STOX2: variants seen among roughly 807,000 people sequenced by gnomAD.
The protein encoded by STOX2 is storkhead-box protein 2.
A neutral mutation model predicts 60.9 loss-of-function variants in STOX2; 28 were observed. That is an observed-to-expected ratio of 0.46 (90% CI 0.34 to 0.63). The LOEUF is 0.63. Among genes scored for constraint, STOX2 ranks in the 30% least tolerant of loss-of-function variants. STOX2 has a pLI of 0.01. For missense variants in STOX2, 1,024 were observed against 1,187.7 expected, an observed-to-expected ratio of 0.86 and a Z score of 2.03; for synonymous variants, 472 against 463.9, an observed-to-expected ratio of 1.02 and a Z score of -0.22.
At chr4:183,819,858 C>T (rs749257327) in intron 1 of STOX2, among the ~76,000 whole-genome samples, 17 of 152,128 alleles carry the variant, frequency 1.1e-4, no homozygotes, top group African/African-American at 3.9e-4. Flanking sequence ...TGCAAACTGC[C>T]GTTGCCTTTG....
chr4:184,012,158 T>C (rs1383880655), intron 3 of STOX2, among the ~76,000 whole-genome samples: 1 of 152,222 alleles, frequency 6.6e-6, no homozygotes, highest in Non-Finnish European at 1.5e-5. Flanking sequence ...AGTCAAGAGT[T>C]AGTGGTGCCC....
At chr4:183,980,598 C>T (rs1732626377) in intron 1 of STOX2, among the ~76,000 whole-genome samples, 1 of 152,112 alleles carries the variant, frequency 6.6e-6, no homozygotes, top group African/African-American at 2.4e-5. Flanking sequence ...CCTGGTCATG[C>T]TGAGTTCAGC....
At chr4:183,997,707 A>G (rs1011461193) in intron 1 of STOX2, among the ~76,000 whole-genome samples, 3 of 152,292 alleles carry the variant, frequency 2.0e-5, no homozygotes, top group South Asian at 4.2e-4. Flanking sequence ...GGGATTGGGG[A>G]TGGGAAAGGA....
chr4:183,947,024 C>T (rs950196146), intron 1 of STOX2, among the ~76,000 whole-genome samples: 6 of 151,954 alleles, frequency 3.9e-5, no homozygotes, highest in Admixed American at 2.0e-4. Flanking sequence ...TCTATGCAAA[C>T]ACCACACCAC....
chr4:183,889,846 T>C (rs1203418359), intron 1 of STOX2, among the ~76,000 whole-genome samples: 3 of 152,220 alleles, frequency 2.0e-5, no homozygotes, highest in Non-Finnish European at 4.4e-5. Context: ...TTGTTTTCTC[T>C]GTGGTAATAC....
chr4:184,007,849 G>A (rs957491121), intron 2 of STOX2, among the ~76,000 whole-genome samples: 1 of 152,100 alleles, frequency 6.6e-6, no homozygotes, highest in African/African-American at 2.4e-5. Flanking sequence ...AGTCGTATTC[G>A]ATTAGAGACC....
intron 1 of STOX2, among the ~76,000 whole-genome samples, chr4:183,839,200 C>T (rs547426781): frequency 1.1e-4 from 16 of 152,164 alleles, no homozygotes; most frequent in Admixed American, 2.0e-4. Flanking sequence ...TTTGATTGGA[C>T]GAGGGTCACC....
intron 1 of STOX2, among the ~76,000 whole-genome samples, chr4:183,890,831 G>T (rs891678210): frequency 5.9e-5 from 9 of 152,234 alleles, no homozygotes; most frequent in African/African-American, 2.2e-4. Context: ...AATAAGGCTG[G>T]TTGCGGTGGC....
chr4:183,815,209 T>C (rs1425205644), intron 1 of STOX2, among the ~76,000 whole-genome samples: 1 of 151,896 alleles, frequency 6.6e-6, no homozygotes, highest in Non-Finnish European at 1.5e-5. Context: ...ATTGCCAGGC[T>C]GGTCTCCAAC....
chr4:184,011,199 C>A lies in STOX2; in HGVS notation c.2361C>A (p.Asn787Lys), dbSNP rs376092212. The A allele has an allele frequency of 4.1e-5, 66 of 1,601,682 alleles. No individual in the cohort carries two copies. In the Admixed American group the frequency reaches 9.7e-4, roughly 24 times the overall value. ...ATGACGACTCTGAGGAAGGGGCAAA[C>A]AAGAACACAGAGGAGGAGAAAAATA... is the stretch of plus-strand genomic sequence containing the variant. ...SDDDDSEEGA[N>K]KNTEEEKNRE... Residue 787 changes from asparagine (N) to lysine (K), a missense_variant, in exon 3 of 4, where the codon AAC (asparagine) becomes AAA (lysine). Around this residue, in one of 3 missense-constraint regions of STOX2, gnomAD observed 922 missense variants for 1,058.3 expected, o/e 0.87. Coordinates refer to ENST00000308497, the MANE Select transcript of STOX2 (RefSeq NM_020225.3). This position sits in a 1 kb window ranked among gnomAD's most constrained non-coding sequence, Gnocchi z 4.4.
intron 1 of STOX2, among the ~76,000 whole-genome samples, chr4:183,907,642 G>T (rs945854556): frequency 6.6e-6 from 1 of 152,160 alleles, no homozygotes; most frequent in Non-Finnish European, 1.5e-5. Context: ...GAAAGGGAAG[G>T]CTTCAAAAAA....
At position 184,010,878 on chromosome 4, in the gene STOX2, C is replaced by G. The variant is rs565056185; in HGVS notation, c.2040C>G (p.Leu680=). 3 of 1,610,914 alleles carry G rather than the reference C, an allele frequency of 1.9e-6. No individual in the cohort carries two copies. In the East Asian group the frequency reaches 6.7e-5, roughly 36 times the overall value. The change falls in exon 3 of 4, where the codon CTC becomes CTG. Residue 680 remains leucine, a synonymous_variant. Coordinates refer to ENST00000308497, the MANE Select transcript of STOX2 (RefSeq NM_020225.3). The surrounding 1 kb of genome is among the most constrained non-coding windows in gnomAD (Gnocchi z 4.5). ...GVAEGIANGR[L]VQHHGAEPSS... is the part of the protein sequence containing the mutation. ...CTGAAGGGATCGCCAACGGACGCCT[C>G]GTCCAGCACCATGGTGCCGAGCCCA...
Position 183,909,382 on chromosome 4 carries a change from T to A in STOX2, c.166+2426T>A, listed in dbSNP as rs192567952. ...ATATTGAGTAGAAAATGAAACCACT[T>A]AGAAACACATGAGGCCTTTCATATT... On this transcript the variant is annotated intron_variant, in intron 1 of 3. Transcript: ENST00000308497. Among the ~76,000 whole-genome samples, 9 of 152,352 alleles carry A rather than the reference T, an allele frequency of 5.9e-5. No homozygotes were observed. The East Asian group carries it at 1.7e-3, about 29-fold the overall frequency.
At chr4:183,897,506 C>T (rs576972122) in intron 1 of STOX2, among the ~76,000 whole-genome samples, 10 of 152,248 alleles carry the variant, frequency 6.6e-5, no homozygotes, top group East Asian at 5.8e-4. Context: ...GACTGCAAAT[C>T]GGGGCTGAGG....
chr4:183,812,428 G>C (rs1739056554), intron 1 of STOX2, among the ~76,000 whole-genome samples: 3 of 152,116 alleles, frequency 2.0e-5, no homozygotes, highest in South Asian at 2.1e-4. Context: ...GCAATTTAAG[G>C]GTTTTTAGAT....
In STOX2 at chr4:184,001,365, T is replaced by A. The variant is rs746035005; in HGVS notation, c.207T>A (p.Ser69=). ...SPISMSPISQ[S]QFIPLGEILC... is the part of the protein sequence containing the mutation. ...TCAGTATGTCTCCCATCAGTCAGTCTCAGTTTATTCCACTCGGGGAGATCC... is the reference window on the plus strand; with the variant it reads ...TCAGTATGTCTCCCATCAGTCAGTCACAGTTTATTCCACTCGGGGAGATCC... The change falls in exon 2 of 4, where the codon TCT becomes TCA. Residue 69 remains serine (S), a synonymous_variant. Transcript: ENST00000308497. The surrounding 1 kb of genome is among the most constrained non-coding windows in gnomAD (Gnocchi z 4.2). 6.2e-7 allele frequency: 1 copy of A among 1,613,834 alleles called. No individual in the cohort carries two copies. The highest frequency in any genetic ancestry group is 8.5e-7 in the Non-Finnish European group (1 of 1,179,878).
chr4:183,964,429 G>T (rs913729687), intron 1 of STOX2, among the ~76,000 whole-genome samples: 3 of 152,146 alleles, frequency 2.0e-5, no homozygotes, highest in South Asian at 2.1e-4. Context: ...TGCCAACAGC[G>T]CTGGGAGAGA....
At chr4:184,015,437 G>A (rs1734326003) in intron 3 of STOX2, 1 of 152,150 alleles carries the variant, frequency 6.6e-6, no homozygotes. Context: ...TGAAAAACTT[G>A]ACTTCTCCCT....
chr4:183,853,223 A>G (rs921206168), intron 1 of STOX2, among the ~76,000 whole-genome samples: 1 of 152,222 alleles, frequency 6.6e-6, no homozygotes, highest in African/African-American at 2.4e-5. Context: ...GAAATGCCGA[A>G]AGGAGATTGT....
Sources: gnomAD v4.1 joint callset for allele counts (sites outside exome capture counted in the v4.1 genomes callset) on GRCh38, gnomAD v4.1.1 for gene constraint, gnomAD v4.1.1 regional missense constraint, Gnocchi (gnomAD v3.1) non-coding constraint, MANE v1.5 for transcripts, NCBI Gene and HGNC (gene_info 2026-07-23, HGNC 2026-07-21) for gene names.